The following TMEM74 variants were observed in gnomAD, a reference collection of about 807,000 sequenced individuals.
TMEM74 encodes transmembrane protein 74.
In TMEM74, 13 loss-of-function variants were observed where a neutral mutation model predicts 18.1. That is an observed-to-expected ratio of 0.72 (90% CI 0.47 to 1.14). The LOEUF is 1.14. Among genes scored for constraint, TMEM74 ranks in the 50% most tolerant of loss-of-function variants. The probability of loss-of-function intolerance (pLI) is 0.00; values close to 1 mark genes in which losing one functional copy is unlikely to be tolerated. For synonymous variants in TMEM74, 159 were observed against 146.6 expected, an observed-to-expected ratio of 1.08 and a Z score of -0.61; for missense variants, 372 against 375.9, an observed-to-expected ratio of 0.99 and a Z score of 0.09.
intron 1 of TMEM74, among the ~76,000 whole-genome samples, chr8:108,678,771 A>C (rs1813082126): frequency 6.7e-6 from 1 of 150,192 alleles, no homozygotes; most frequent in Admixed American, 6.6e-5. Context: ...TTATACTTTA[A>C]GTTTTAGGGT....
chr8:108,727,792 T>C (rs1813653998), intron 1 of TMEM74, among the ~76,000 whole-genome samples: 1 of 152,114 alleles, frequency 6.6e-6, no homozygotes, highest in South Asian at 2.1e-4. Flanking sequence ...AGAGTAAGCC[T>C]TGGAGCCTCC....
intron 2 of TMEM74, among the ~76,000 whole-genome samples, chr8:108,616,257 C>T (rs1422149227): frequency 6.6e-6 from 1 of 152,142 alleles, no homozygotes; most frequent in Non-Finnish European, 1.5e-5. Context: ...CACACCATAC[C>T]ATTCCACACA....
chr8:108,609,886 G>T (rs1388784478), intron 2 of TMEM74, among the ~76,000 whole-genome samples: 1 of 152,062 alleles, frequency 6.6e-6, no homozygotes, highest in African/African-American at 2.4e-5. Context: ...AATTTAAGAA[G>T]AACCATGTGG....
intron 1 of TMEM74, among the ~76,000 whole-genome samples, chr8:108,754,447 C>A (rs1467034966): frequency 6.6e-6 from 1 of 151,860 alleles, no homozygotes; most frequent in Non-Finnish European, 1.5e-5. Context: ...TGACAGTGGG[C>A]AGAAGCTATG....
At chr8:108,734,287 C>T (rs1164233469) in intron 1 of TMEM74, among the ~76,000 whole-genome samples, 1 of 152,146 alleles carries the variant, frequency 6.6e-6, no homozygotes, top group Non-Finnish European at 1.5e-5. Context: ...GTTCTCAGGC[C>T]TTCATCCTTG....
At chr8:108,631,747 G>T (rs930720993) in intron 2 of TMEM74, among the ~76,000 whole-genome samples, 1 of 151,894 alleles carries the variant, frequency 6.6e-6, no homozygotes, top group Non-Finnish European at 1.5e-5. Context: ...CTTTTGTTGC[G>T]ATTGCTTCTG....
chr8:108,652,105 A>C (rs942004232), intron 2 of TMEM74, among the ~76,000 whole-genome samples: 3 of 151,958 alleles, frequency 2.0e-5, no homozygotes, highest in Non-Finnish European at 4.4e-5. Context: ...AGAAAGAAAA[A>C]ACATTTTTTA....
exon 4 of TMEM74, chr8:108,607,139 G>T (rs1420588315): frequency 6.6e-6 from 1 of 152,130 alleles, no homozygotes; most frequent in South Asian, 2.1e-4. Context: ...CTTCAACCCT[G>T]TGCTTTATTG....
chr8:108,684,798 A>T, intron 1 of TMEM74, among the ~76,000 whole-genome samples: 1 of 150,284 alleles, frequency 6.7e-6, no homozygotes, highest in East Asian at 2.0e-4. Context: ...TTCTAGTTTT[A>T]GTCATTTATG....
chr8:108,768,032 G>T (rs892221060), intron 1 of TMEM74, among the ~76,000 whole-genome samples: 10 of 151,854 alleles, frequency 6.6e-5, no homozygotes, highest in Non-Finnish European at 1.2e-4. Context: ...CCCAATTTTG[G>T]GCTGAGAGAA....
At chr8:108,704,483 T>C (rs1813372131) in intron 1 of TMEM74, among the ~76,000 whole-genome samples, 1 of 152,234 alleles carries the variant, frequency 6.6e-6, no homozygotes, top group African/African-American at 2.4e-5. Flanking sequence ...CTTTTATAGA[T>C]TTCTGGGGAA....
At chr8:108,627,700 A>G (rs1390358528) in intron 2 of TMEM74, among the ~76,000 whole-genome samples, 3 of 152,088 alleles carry the variant, frequency 2.0e-5, no homozygotes, top group African/African-American at 4.8e-5. Context: ...TAAATGAGAG[A>G]CCAGAATTTT....
At chr8:108,746,322 G>C (rs1376791435) in intron 1 of TMEM74, among the ~76,000 whole-genome samples, 2 of 152,018 alleles carry the variant, frequency 1.3e-5, no homozygotes, top group African/African-American at 4.8e-5. Flanking sequence ...TGTCTCAAAA[G>C]CATGAAGCAT....
chr8:108,772,232 T>C (rs1814181479), intron 1 of TMEM74, among the ~76,000 whole-genome samples: 1 of 152,182 alleles, frequency 6.6e-6, no homozygotes, highest in African/African-American at 2.4e-5. Flanking sequence ...AATTGACTTG[T>C]CATTTTCCTT....
intron 1 of TMEM74, among the ~76,000 whole-genome samples, chr8:108,717,141 G>A (rs952857764): frequency 6.6e-6 from 1 of 151,580 alleles, no homozygotes; most frequent in Admixed American, 6.6e-5. Flanking sequence ...ACATATCAAC[G>A]TTACTTATAT....
chr8:108,774,035 A>G (rs1234461700), downstream of TMEM74, among the ~76,000 whole-genome samples: 2 of 152,250 alleles, frequency 1.3e-5, no homozygotes, highest in African/African-American at 2.4e-5. Context: ...AGATTTTACC[A>G]TGAGATACTT....
chr8:108,617,439 T>C (rs1261745650), intron 2 of TMEM74, among the ~76,000 whole-genome samples: 2 of 152,090 alleles, frequency 1.3e-5, no homozygotes, highest in Non-Finnish European at 2.9e-5. Context: ...TTGCAGATGC[T>C]TTTGATTCTG....
chr8:108,719,799 GA>G (rs1441644372), intron 1 of TMEM74, among the ~76,000 whole-genome samples: 1 of 151,828 alleles, frequency 6.6e-6, no homozygotes, highest in Admixed American at 6.6e-5. Context: ...AGAATTTTTA[GA>G]AAAAAATGGC....
At chr8:108,749,724 T>C (rs774587568) in intron 1 of TMEM74, among the ~76,000 whole-genome samples, 5 of 152,122 alleles carry the variant, frequency 3.3e-5, no homozygotes, top group Non-Finnish European at 7.4e-5. Context: ...TCTTGTCTTG[T>C]GCTGGTTTTC....
Sources: allele counts gnomAD v4.1 joint callset (sites outside exome capture counted in the v4.1 genomes callset), GRCh38; gene constraint gnomAD v4.1.1; transcripts MANE v1.5; gene names NCBI Gene and HGNC (gene_info 2026-07-23, HGNC 2026-07-21).